ST6GALNAC5: variants seen among roughly 807,000 people sequenced by gnomAD.
ST6GALNAC5 encodes the protein alpha-N-acetylgalactosaminide alpha-2,6-sialyltransferase 5.
ST6GALNAC5 carries 27 observed loss-of-function variants against 33.6 expected under a neutral mutation model. The ratio of observed to expected loss-of-function variants is 0.80; its 90% CI spans 0.59 to 1.11. ST6GALNAC5 has a LOEUF of 1.11. ST6GALNAC5 is among the 50% of genes least tolerant of loss of function. The pLI is 0.00. For missense variants in ST6GALNAC5, 428 were observed against 454.0 expected, an observed-to-expected ratio of 0.94 and a Z score of 0.52; for synonymous variants, 194 against 171.2, an observed-to-expected ratio of 1.13 and a Z score of -1.04.
At chr1:76,867,748 C>T in intron 1 of ST6GALNAC5, 58 bp downstream of exon 1, 1 of 1,613,570 alleles carries the variant, frequency 6.2e-7, no homozygotes, top group Non-Finnish European at 8.5e-7. Context: ...GCTCAGGGTC[C>T]ACGGGACGCA....
Position 76,976,992 on chromosome 1 carries a change from T to C in ST6GALNAC5, c.262-67212T>C, listed in dbSNP as rs1241813246. ...TGAGTTGGGGCCTGAGATTCTGCATTTGTAGCATGTTGCCAGTGATCCCAA... is the reference window on the plus strand; with the variant it reads ...TGAGTTGGGGCCTGAGATTCTGCATCTGTAGCATGTTGCCAGTGATCCCAA... On this transcript the variant is annotated intron_variant, in intron 2 of 4. Transcript: ENST00000477717. 2.6e-5 allele frequency among the ~76,000 whole-genome samples: 4 copies of C among 152,216 alleles called. No homozygotes were observed. The East Asian group carries it at 7.7e-4, about 29-fold the overall frequency.
At chr1:76,907,563 G>T (rs1448474314) in intron 2 of ST6GALNAC5, among the ~76,000 whole-genome samples, 1 of 152,148 alleles carries the variant, frequency 6.6e-6, no homozygotes. Flanking sequence ...ACAGTTTCTT[G>T]CATCACTACA....
At chr1:76,896,291 A>G (rs1654134280) in intron 2 of ST6GALNAC5, among the ~76,000 whole-genome samples, 1 of 152,216 alleles carries the variant, frequency 6.6e-6, no homozygotes, top group Non-Finnish European at 1.5e-5. Context: ...AATGTTGAGT[A>G]AAGCTAATTT....
chr1:76,993,846 A>G (rs58884332), intron 2 of ST6GALNAC5, among the ~76,000 whole-genome samples: 3,774 of 152,170 alleles, frequency 0.025, 158 homozygotes, highest in African/African-American at 0.087. Flanking sequence ...TTCAATTGTG[A>G]ATTTATTTCC....
intron 2 of ST6GALNAC5, among the ~76,000 whole-genome samples, chr1:76,962,692 A>C (rs1474408774): frequency 6.6e-6 from 1 of 152,238 alleles, no homozygotes; most frequent in East Asian, 1.9e-4. Context: ...ACACACATTT[A>C]TATTTTAAGA....
intron 2 of ST6GALNAC5, among the ~76,000 whole-genome samples, chr1:76,914,500 T>C: frequency 6.6e-6 from 1 of 152,008 alleles, no homozygotes; most frequent in Non-Finnish European, 1.5e-5. Flanking sequence ...GAGATATAGA[T>C]CAATGGAACA....
intron 2 of ST6GALNAC5, among the ~76,000 whole-genome samples, chr1:76,943,035 T>A (rs1311743336): frequency 6.6e-6 from 1 of 152,112 alleles, no homozygotes; most frequent in Non-Finnish European, 1.5e-5. Flanking sequence ...CACAAAGAGC[T>A]TGACTAACAA....
intron 2 of ST6GALNAC5, among the ~76,000 whole-genome samples, chr1:76,936,953 G>GGCGCGTGTGT (rs138095164): frequency 3.6e-5 from 5 of 139,946 alleles, no homozygotes; most frequent in Non-Finnish European, 7.7e-5. Flanking sequence ...AGAGAAGCAG[G>GGCGCGTGTGT]GTGTGTGTGT....
At chr1:76,874,859 T>C (rs867141995) in intron 2 of ST6GALNAC5, among the ~76,000 whole-genome samples, 1 of 151,898 alleles carries the variant, frequency 6.6e-6, no homozygotes, top group African/African-American at 2.4e-5. Context: ...CCCAAACACA[T>C]CTCCTGAGAT....
rs190171115 is a variant in ST6GALNAC5, at chr1:76,907,306, C to T, written c.261+38564C>T. Among the ~76,000 whole-genome samples, 89 of 152,214 alleles carry T rather than the reference C, an allele frequency of 5.8e-4. 2 individuals are homozygous for T. Among genetic ancestry groups the T allele is most frequent in the African/African-American group, 1.9e-3 (81 of 41,544 alleles). The stretch of plus-strand genomic sequence containing the variant: ...TCTGATCTTGACCCTGCTTACTACT[C>T]TCGCTGATGTGAAGCCTCCTGTTCC... On this transcript the variant is annotated intron_variant, in intron 2 of 4. Transcript: ENST00000477717.
intron 2 of ST6GALNAC5, among the ~76,000 whole-genome samples, chr1:76,885,934 G>T (rs1219267564): frequency 6.6e-6 from 1 of 152,182 alleles, no homozygotes; most frequent in Non-Finnish European, 1.5e-5. Flanking sequence ...TACTTGGAGG[G>T]TATGGCCTGC....
intron 2 of ST6GALNAC5, among the ~76,000 whole-genome samples, chr1:76,998,889 C>T (rs1933397): frequency 0.72 from 108,850 of 151,782 alleles, 39,646 homozygotes; most frequent in East Asian, 0.93. Context: ...TAAATAACAG[C>T]CAGCCTGTTA....
Position 77,065,591 on chromosome 1 carries a change from T to C in ST6GALNAC5, c.*2385T>C, listed in dbSNP as rs994273429. On this transcript the variant is annotated 3_prime_UTR_variant, in exon 5 of 5. Transcript: ENST00000477717. ...CAGCGTTAAAGAAAATGACTAGAAT[T>C]CTGATAGATTGTGCTGATGAACCTG... The C allele has an allele frequency of 6.6e-6, 1 of 152,222 alleles. No homozygotes were observed. Among genetic ancestry groups the C allele is most frequent in the Non-Finnish European group, 1.5e-5 (1 of 68,044 alleles). The allele number at this position is 152,222 out of a possible 1,614,324, so 9.4% of individuals were successfully genotyped here.
chr1:76,953,973 T>C (rs186946493), intron 2 of ST6GALNAC5, among the ~76,000 whole-genome samples: 302 of 152,250 alleles, frequency 2.0e-3, no homozygotes, highest in Middle Eastern at 3.4e-3. Flanking sequence ...AAATAATGCT[T>C]GTGCGTAACA....
At chr1:77,038,982 C>G (rs1392639953) in intron 2 of ST6GALNAC5, among the ~76,000 whole-genome samples, 1 of 152,144 alleles carries the variant, frequency 6.6e-6, no homozygotes, top group Admixed American at 6.6e-5. Context: ...CAGATAGTAT[C>G]TTAGATTCTG....
At chr1:76,963,459 G>C (rs1419351080) in intron 2 of ST6GALNAC5, among the ~76,000 whole-genome samples, 2 of 152,196 alleles carry the variant, frequency 1.3e-5, no homozygotes, top group South Asian at 2.1e-4. Context: ...GAAAAGAGGA[G>C]ATAAATGGGA....
chr1:76,913,017 T>G (rs1646930307), intron 2 of ST6GALNAC5, among the ~76,000 whole-genome samples: 1 of 152,172 alleles, frequency 6.6e-6, no homozygotes, highest in South Asian at 2.1e-4. Context: ...CTAGTCTCCA[T>G]GGTCTTTACA....
intron 2 of ST6GALNAC5, among the ~76,000 whole-genome samples, chr1:76,971,408 G>A (rs1357845672): frequency 1.3e-5 from 2 of 152,166 alleles, no homozygotes; most frequent in Admixed American, 6.6e-5. Flanking sequence ...ATTTCACGGA[G>A]GATGGTGAGT....
intron 2 of ST6GALNAC5, among the ~76,000 whole-genome samples, chr1:77,022,459 T>A (rs868796638): frequency 2.0e-5 from 3 of 152,218 alleles, no homozygotes; most frequent in Non-Finnish European, 4.4e-5. Flanking sequence ...ATTCAGTGTG[T>A]CCTTTAAATG....
Sources: allele counts gnomAD v4.1 joint callset (sites outside exome capture counted in the v4.1 genomes callset), GRCh38; gene constraint gnomAD v4.1.1; transcripts MANE v1.5; gene names NCBI Gene and HGNC (gene_info 2026-07-23, HGNC 2026-07-21).